Variants in TSPEAR observed in about 807,000 individuals in gnomAD.
TSPEAR encodes thrombospondin type laminin G domain and EAR repeats, also known as thrombospondin-type laminin G domain and EAR repeat-containing protein.
In TSPEAR, 69 loss-of-function variants were observed where a neutral mutation model predicts 71.6. That is an observed-to-expected ratio of 0.96 (90% confidence interval 0.79 to 1.18). The LOEUF is 1.18. TSPEAR is among the 50% of genes most tolerant of loss of function. TSPEAR has a pLI of 0.00. For synonymous variants in TSPEAR, 402 were observed against 387.2 expected, an observed-to-expected ratio of 1.04 and a Z score of -0.45; for missense variants, 971 against 894.9, an observed-to-expected ratio of 1.09 and a Z score of -1.09.
chr21:44,621,960 T>C (rs1189525484), intron 1 of TSPEAR, among the ~76,000 whole-genome samples: 2 of 152,196 alleles, frequency 1.3e-5, no homozygotes, highest in Non-Finnish European at 2.9e-5. Context: ...TCCTAGTCCC[T>C]GGCAGCCACT....
chr21:44,708,007 GCACACACACACACACACA>G (rs58196199), intron 1 of TSPEAR, among the ~76,000 whole-genome samples: 6 of 122,408 alleles, frequency 4.9e-5, no homozygotes, highest in African/African-American at 2.0e-4. Flanking sequence ...CCCCGCGCGT[GCACACACACACACACACA>G]CACACACACA....
intron 2 of TSPEAR, among the ~76,000 whole-genome samples, chr21:44,534,632 A>C (rs1257795982): frequency 6.6e-6 from 1 of 152,070 alleles, no homozygotes; most frequent in Non-Finnish European, 1.5e-5. Context: ...CAAAGAACAG[A>C]ATGTGTTATG....
intron 9 of TSPEAR, 76 bp downstream of exon 9, chr21:44,521,807 T>C: frequency 7.2e-7 from 1 of 1,389,710 alleles, no homozygotes; most frequent in Non-Finnish European, 1.0e-6. Context: ...CCAGCCCACA[T>C]CACCTGTCCA....
intron 1 of TSPEAR, among the ~76,000 whole-genome samples, chr21:44,662,125 T>A (rs894287455): frequency 2.6e-5 from 4 of 152,284 alleles, no homozygotes; most frequent in African/African-American, 7.2e-5. Context: ...AATATTAAAT[T>A]AAATGCAAAT....
At chr21:44,688,124 T>C (rs1389734897) in intron 1 of TSPEAR, among the ~76,000 whole-genome samples, 1 of 152,140 alleles carries the variant, frequency 6.6e-6, no homozygotes, top group Non-Finnish European at 1.5e-5. Context: ...AAACAGTAAA[T>C]GTTTTCATAA....
chr21:44,542,411 C>G (rs2053235942), intron 2 of TSPEAR, among the ~76,000 whole-genome samples: 1 of 152,066 alleles, frequency 6.6e-6, no homozygotes, highest in Non-Finnish European at 1.5e-5. Context: ...ATGTAATGGA[C>G]AAGAACTTTA....
intron 1 of TSPEAR, among the ~76,000 whole-genome samples, chr21:44,617,208 G>A (rs911069477): frequency 2.0e-5 from 3 of 152,248 alleles, no homozygotes; most frequent in Non-Finnish European, 2.9e-5. Flanking sequence ...GGCCCCAGCT[G>A]TGCTGGGAGG....
At chr21:44,654,329 A>G in intron 1 of TSPEAR, 4 of 1,614,120 alleles carry the variant, frequency 2.5e-6, no homozygotes, top group Non-Finnish European at 3.4e-6. Flanking sequence ...AGGGTGGGGC[A>G]GAAGGGCTGG....
intron 1 of TSPEAR, among the ~76,000 whole-genome samples, chr21:44,610,216 C>G (rs1190334966): frequency 6.6e-6 from 1 of 152,214 alleles, no homozygotes; most frequent in Non-Finnish European, 1.5e-5. Context: ...TAGCAAGGAG[C>G]CTATTGTTAA....
In TSPEAR at chr21:44,546,967, CT is replaced by C. The variant is rs2053312881; in HGVS notation, c.304-13045del. Among the ~76,000 whole-genome samples, 3 of 152,218 alleles carry C rather than the reference CT, an allele frequency of 2.0e-5. No homozygotes were observed. Among genetic ancestry groups the C allele is most frequent in the African/African-American group, 7.2e-5 (3 of 41,466 alleles). The stretch of plus-strand genomic sequence containing the variant: ...TCTTCAATTATTTTTTCTGCTCCCC[CT>C]GTCTCCCCTCCATCTGGAAATCCAG... On this transcript the variant is annotated intron_variant, in intron 2 of 11. Transcript: ENST00000323084. This position sits in a 1 kb window ranked among gnomAD's most constrained non-coding sequence, Gnocchi z 4.4.
intron 1 of TSPEAR, among the ~76,000 whole-genome samples, chr21:44,604,283 T>C (rs1282284172): frequency 1.3e-5 from 2 of 152,194 alleles, no homozygotes; most frequent in Non-Finnish European, 2.9e-5. Context: ...CCAGCATTGA[T>C]GACCTTCACC....
At chr21:44,619,101 G>A (rs1982287268) in intron 1 of TSPEAR, among the ~76,000 whole-genome samples, 2 of 152,152 alleles carry the variant, frequency 1.3e-5, no homozygotes, top group African/African-American at 2.4e-5. Flanking sequence ...GGAAGTGAAG[G>A]TGCAAGCAGG....
At chr21:44,591,015 G>T (rs1414209463) in intron 1 of TSPEAR, among the ~76,000 whole-genome samples, 1 of 152,138 alleles carries the variant, frequency 6.6e-6, no homozygotes, top group Admixed American at 6.5e-5. Context: ...AGCCAGGCCT[G>T]CTGGGGGTCA....
chr21:44,587,236 A>C (rs182339439), intron 1 of TSPEAR, among the ~76,000 whole-genome samples: 7 of 152,338 alleles, frequency 4.6e-5, no homozygotes, highest in Non-Finnish European at 1.0e-4. Flanking sequence ...GCTCTCCTAT[A>C]CACCAACAGC....
At chr21:44,512,965 C>T (rs782166539) in intron 9 of TSPEAR, among the ~76,000 whole-genome samples, 2 of 152,192 alleles carry the variant, frequency 1.3e-5, no homozygotes, top group African/African-American at 2.4e-5. Context: ...CTGTACCCAG[C>T]GAGGGTCTGT....
chr21:44,529,124 G>T (rs1234534918), intron 5 of TSPEAR, among the ~76,000 whole-genome samples: 1 of 152,232 alleles, frequency 6.6e-6, no homozygotes, highest in African/African-American at 2.4e-5. Context: ...ATGTGTTGGA[G>T]GTGGGGGCTC....
chr21:44,589,722 G>A (rs1979629622), intron 1 of TSPEAR, among the ~76,000 whole-genome samples: 1 of 152,216 alleles, frequency 6.6e-6, no homozygotes, highest in Non-Finnish European at 1.5e-5. Context: ...CTCGGACGAG[G>A]GCAGGTGGGG....
chr21:44,547,534 G>A (rs980310464), intron 2 of TSPEAR, among the ~76,000 whole-genome samples: 2 of 152,156 alleles, frequency 1.3e-5, no homozygotes, highest in Non-Finnish European at 2.9e-5. Context: ...GTTTGCTGTT[G>A]CTGATTGTTG....
chr21:44,700,865 G>T (rs1334631998), intron 1 of TSPEAR, among the ~76,000 whole-genome samples: 2 of 152,220 alleles, frequency 1.3e-5, no homozygotes, highest in African/African-American at 4.8e-5. Context: ...GCCTTGTGGG[G>T]TGAGTGGACC....
Sources: allele counts gnomAD v4.1 joint callset (sites outside exome capture counted in the v4.1 genomes callset), GRCh38; gene constraint gnomAD v4.1.1; non-coding constraint Gnocchi (gnomAD v3.1); transcripts MANE v1.5; gene names NCBI Gene and HGNC (gene_info 2026-07-23, HGNC 2026-07-21).